The following RAB40C variants were observed in gnomAD, a reference collection of about 807,000 sequenced individuals.
RAB40C encodes ras-related protein Rab-40C.
Under a neutral mutation model 28.1 loss-of-function variants are expected in RAB40C, and 8 were observed. That is an observed-to-expected ratio of 0.28 (90% confidence interval 0.17 to 0.51). The LOEUF (loss-of-function observed/expected upper bound fraction) is 0.51. Among genes scored for constraint, RAB40C ranks in the 20% least tolerant of loss-of-function variants. The pLI is 0.97. For missense variants in RAB40C, 288 were observed against 405.9 expected (o/e 0.71, Z 2.50); for synonymous variants, 201 against 171.7 (o/e 1.17, Z -1.34).
intron 1 of RAB40C, among the ~76,000 whole-genome samples, chr16:607,796 C>T (rs1018351703): frequency 1.4e-4 from 21 of 151,816 alleles, no homozygotes; most frequent in East Asian, 9.7e-4. Context: ...GTCTCAAAAA[C>T]GAAAAGAAAA....
intron 1 of RAB40C, among the ~76,000 whole-genome samples, chr16:591,797 A>T (rs921122606): frequency 6.6e-6 from 1 of 152,030 alleles, no homozygotes; most frequent in Non-Finnish European, 1.5e-5. Flanking sequence ...GGGTTTCAGC[A>T]TGTCGGCCAG....
rs2036906191 is a variant in RAB40C at position 629,208 on chromosome 16, C to A, written c.*1586C>A. The A allele has an allele frequency of 3.9e-6, 1 of 254,110 alleles. No homozygotes were observed. The highest frequency in any genetic ancestry group is 4.5e-5 in the South Asian group (1 of 22,442). The allele number at this position is 254,110 out of a possible 1,614,324, so 15.7% of individuals were successfully genotyped here. A position where few individuals can be genotyped will look rare whatever the true frequency, so the allele number is the denominator to read the frequency against. ...ACTACCCGCGCTGCTGTTAGACACT[C>A]CGCCATTCCTGGTTCTCTCCGAACC... On this transcript the variant is annotated 3_prime_UTR_variant, in exon 6 of 6. Transcript: ENST00000248139.
intron 3 of RAB40C, chr16:623,890 C>G (rs1238259383): frequency 1.1e-6 from 1 of 915,910 alleles, no homozygotes; most frequent in Non-Finnish European, 1.3e-6. Flanking sequence ...CATGATCGTG[C>G]CACTGCATGA....
chr16:623,527 G>A (rs1453044992), intron 3 of RAB40C, among the ~76,000 whole-genome samples: 11 of 151,746 alleles, frequency 7.2e-5, no homozygotes, highest in African/African-American at 2.2e-4. Context: ...GGTGGCGGGC[G>A]CCTGTAGTCC....
intron 1 of RAB40C, among the ~76,000 whole-genome samples, chr16:602,927 T>C (rs1374528448): frequency 6.6e-6 from 1 of 152,158 alleles, no homozygotes; most frequent in Admixed American, 6.5e-5. Flanking sequence ...AAGCTGGATT[T>C]GTAATCATTG....
In RAB40C at chr16:621,823, C is replaced by T. The variant is rs1017213261; in HGVS notation, c.264+3563C>T. Among the ~76,000 whole-genome samples the T allele has an allele frequency of 5.3e-5, 8 of 152,220 alleles. 1 individual carries two copies. The highest frequency in any genetic ancestry group is 4.6e-4 in the Admixed American group (7 of 15,284). On this transcript the variant is annotated intron_variant, in intron 3 of 5. Coordinates refer to ENST00000248139, the MANE Select transcript of RAB40C (RefSeq NM_021168.5). ...CTGTGGCCAAGTGCCATGTCTGCTT[C>T]AGGACAAAGGTGTGGATTTGTTTCC...
At chr16:620,391 C>G (rs2036685994) in intron 3 of RAB40C, among the ~76,000 whole-genome samples, 1 of 150,444 alleles carries the variant, frequency 6.6e-6, no homozygotes, top group African/African-American at 2.4e-5. Flanking sequence ...AACTCCATCT[C>G]AAAAAAAAAG....
intron 1 of RAB40C, among the ~76,000 whole-genome samples, chr16:607,493 A>C (rs750707413): frequency 7.1e-6 from 1 of 140,650 alleles, no homozygotes; most frequent in Middle Eastern, 3.4e-3. Context: ...ACGAGAGTGA[A>C]ACTGTCTCAA....
Position 617,147 on chromosome 16 carries a change from G to T in RAB40C, c.143-61G>T, listed in dbSNP as rs1596411778. 5 of 1,581,368 alleles carry T rather than the reference G, an allele frequency of 3.2e-6. No homozygotes were observed. The Admixed American group carries it at 8.4e-5, about 26-fold the overall frequency. On this transcript the variant is annotated intron_variant, in intron 1 of 5. Coordinates refer to ENST00000248139, the MANE Select transcript of RAB40C (RefSeq NM_021168.5). The stretch of plus-strand genomic sequence containing the variant: ...CCTGGGAGGCCAGTGGCCGAGGCTG[G>T]TCTCGCGGGCGCTCGCTCCAGGAGT...
chr16:627,980 G>T lies in RAB40C; in HGVS notation c.*358G>T, dbSNP rs191668458. The stretch of plus-strand genomic sequence containing the variant: ...TTAAGGGGCCTTCAGGGAAGCCTGG[G>T]TGTGGCCCGGTGGTGGTGCACTGGT... On this transcript the variant is annotated 3_prime_UTR_variant, in exon 6 of 6. Coordinates refer to ENST00000248139, the MANE Select transcript of RAB40C (RefSeq NM_021168.5). 2 of 221,480 alleles carry T rather than the reference G, an allele frequency of 9.0e-6. No individual in the cohort carries two copies. The highest frequency in any genetic ancestry group is 2.9e-4 in the South Asian group (2 of 6,832). The allele number at this position is 221,480 out of a possible 1,614,324, so 13.7% of individuals were successfully genotyped here.
intron 5 of RAB40C, 95 bp downstream of exon 5, chr16:626,216 G>C: frequency 1.5e-6 from 2 of 1,292,056 alleles, no homozygotes; most frequent in African/African-American, 1.5e-5. Context: ...AGTGAGGGAG[G>C]TTCAGGCAGG....
chr16:604,354 C>T (rs1567186879), intron 1 of RAB40C, among the ~76,000 whole-genome samples: 1 of 152,154 alleles, frequency 6.6e-6, no homozygotes, highest in African/African-American at 2.4e-5. Context: ...CGCACGAGGC[C>T]TTCTGAAGGT....
intron 3 of RAB40C, chr16:625,106 G>GC: frequency 1.5e-6 from 2 of 1,319,084 alleles, no homozygotes; most frequent in South Asian, 2.5e-5. Flanking sequence ...TTCCACAGCT[G>GC]CACGTCCCCC....
At chr16:609,206 C>A (rs1340424579) in intron 1 of RAB40C, among the ~76,000 whole-genome samples, 1 of 152,104 alleles carries the variant, frequency 6.6e-6, no homozygotes, top group African/African-American at 2.4e-5. Context: ...AGGGGCCATG[C>A]GATCTGCTTG....
chr16:621,445 C>T (rs980054731), intron 3 of RAB40C, among the ~76,000 whole-genome samples: 24 of 152,258 alleles, frequency 1.6e-4, no homozygotes, highest in Admixed American at 3.3e-4. Context: ...AAGGTCCCCG[C>T]GGCCTGGGTC....
Position 627,998 on chromosome 16 carries a change from G to A in RAB40C, c.*376G>A, listed in dbSNP as rs746511445. 7 of 204,194 alleles carry A rather than the reference G, an allele frequency of 3.4e-5. No individual in the cohort carries two copies. Among genetic ancestry groups the A allele is most frequent in the Non-Finnish European group, 5.9e-5 (6 of 102,440 alleles). 12.6% of individuals were successfully genotyped at this position (204,194 alleles called of 1,614,324 possible). A position where few individuals can be genotyped will look rare whatever the true frequency, so the allele number is the denominator to read the frequency against. ...AGCCTGGGTGTGGCCCGGTGGTGGT[G>A]CACTGGTGACTTCATGGCCACGCCA... On this transcript the variant is annotated 3_prime_UTR_variant, in exon 6 of 6. Transcript: ENST00000248139.
intron 1 of RAB40C, among the ~76,000 whole-genome samples, chr16:600,668 T>C (rs2036231120): frequency 6.6e-6 from 1 of 152,206 alleles, no homozygotes; most frequent in African/African-American, 2.4e-5. Context: ...GGAGAATCGC[T>C]TGAACCTGGG....
In RAB40C at chr16:590,968, A is replaced by G. The variant is rs115173162; in HGVS notation, c.142+535A>G. On this transcript the variant is annotated intron_variant, in intron 1 of 5. Coordinates refer to ENST00000248139, the MANE Select transcript of RAB40C (RefSeq NM_021168.5). The stretch of plus-strand genomic sequence containing the variant: ...TCCAGGATCTGGGGTCCGGGGAAAG[A>G]TGTCATGGTCCCGGTAGAAGGCGTC... Among the ~76,000 whole-genome samples, 378 of 137,294 alleles carry G rather than the reference A, an allele frequency of 2.8e-3. 3 individuals carry two copies. Among genetic ancestry groups the G allele is most frequent in the African/African-American group, 0.01 (362 of 35,468 alleles). 90.1% of individuals were successfully genotyped at this position (137,294 alleles called of 152,430 possible).
chr16:621,911 A>T (rs1479313698), intron 3 of RAB40C, among the ~76,000 whole-genome samples: 1 of 152,192 alleles, frequency 6.6e-6, no homozygotes, highest in Non-Finnish European at 1.5e-5. Flanking sequence ...TTGTCGGCAC[A>T]CAGGTGGGCG....
Sources: gnomAD v4.1 joint callset for allele counts (sites outside exome capture counted in the v4.1 genomes callset) on GRCh38, gnomAD v4.1.1 for gene constraint, MANE v1.5 for transcripts, NCBI Gene and HGNC (gene_info 2026-07-23, HGNC 2026-07-21) for gene names.